Variants in ZBTB20 observed in about 807,000 individuals in gnomAD.
The protein encoded by ZBTB20 is zinc finger and BTB domain containing 20.
ZBTB20 carries 9 observed loss-of-function variants against 56.9 expected under a neutral mutation model. That is an observed-to-expected ratio of 0.16 (90% CI 0.10 to 0.28). The LOEUF (loss-of-function observed/expected upper bound fraction) is 0.28. Ranked by LOEUF, ZBTB20 falls within the 10% of genes least tolerant of loss-of-function variation. ZBTB20 has a pLI of 1.00. For missense variants in ZBTB20, 655 were observed against 1,003.0 expected (o/e 0.65, Z 4.69); for synonymous variants, 417 against 420.7 (o/e 0.99, Z 0.11).
chr3:114,549,752 C>CTT (rs941074719), intron 6 of ZBTB20, among the ~76,000 whole-genome samples: 7 of 128,964 alleles, frequency 5.4e-5, no homozygotes, highest in African/African-American at 8.5e-5. Flanking sequence ...TGACCTTTTT[C>CTT]TTTTTTTTTT....
At chr3:115,130,694 C>G (rs576986703) in intron 1 of ZBTB20, among the ~76,000 whole-genome samples, 46 of 152,288 alleles carry the variant, frequency 3.0e-4, no homozygotes, top group Non-Finnish European at 5.9e-4. Context: ...GCTTGGGTGC[C>G]AAGATTCAGA....
At chr3:114,633,325 T>A (rs990785423) in intron 6 of ZBTB20, among the ~76,000 whole-genome samples, 3 of 152,190 alleles carry the variant, frequency 2.0e-5, no homozygotes, top group African/African-American at 4.8e-5. Context: ...TAATTTTAAT[T>A]CCAGCTAAAG....
intron 2 of ZBTB20, among the ~76,000 whole-genome samples, chr3:115,032,913 C>G (rs1302481061): frequency 6.0e-5 from 5 of 83,956 alleles, no homozygotes; most frequent in Admixed American, 1.3e-4. Context: ...CATTAAACAA[C>G]AAAAAAGACC....
intron 2 of ZBTB20, among the ~76,000 whole-genome samples, chr3:115,068,658 C>A (rs1477915129): frequency 6.6e-6 from 1 of 151,958 alleles, no homozygotes; most frequent in Admixed American, 6.6e-5. Context: ...ATCTGAAGAA[C>A]AAATAGACCT....
intron 5 of ZBTB20, among the ~76,000 whole-genome samples, chr3:114,748,335 TTC>T (rs1343240236): frequency 0.021 from 1,682 of 81,310 alleles, 16 homozygotes; most frequent in East Asian, 0.038. Flanking sequence ...TCTTTCTTTC[TTC>T]TTTCTTTCTT....
chr3:114,534,468 G>C (rs2669882), intron 6 of ZBTB20, among the ~76,000 whole-genome samples: 39,493 of 152,046 alleles, frequency 0.26, 5,579 homozygotes, highest in African/African-American at 0.39. Flanking sequence ...ACCTAATACA[G>C]GAGCACCCAG....
rs148315622 is a variant in ZBTB20 at position 114,529,394 on chromosome 3, T to G, written c.-294-29003A>C. The G allele has an allele frequency of 8.1e-4, 123 of 152,320 alleles. 1 individual carries two copies. Among genetic ancestry groups the G allele is most frequent in the African/African-American group, 2.9e-3 (120 of 41,578 alleles). The allele number at this position is 152,320 out of a possible 1,614,324, so 9.4% of individuals were successfully genotyped here. On this transcript the variant is annotated intron_variant, in intron 6 of 11. Transcript: ENST00000675478. ...GAAACTCATGTTGAAATACTGAGAT[T>G]TGGGAGTGTGCGTATTATAGAAGCT...
chr3:114,791,597 C>A (rs536670897), intron 5 of ZBTB20: 129 of 152,256 alleles, frequency 8.5e-4, no homozygotes, highest in Middle Eastern at 3.4e-3. Flanking sequence ...GCAACAGTAA[C>A]AATGCTACAC....
chr3:114,700,827 T>C (rs567017460), intron 5 of ZBTB20, among the ~76,000 whole-genome samples: 3 of 152,268 alleles, frequency 2.0e-5, no homozygotes, highest in Admixed American at 6.5e-5. Flanking sequence ...GTAATTAAGA[T>C]TGGGTCATTG....
chr3:114,574,329 A>AT (rs2053770338), intron 6 of ZBTB20, among the ~76,000 whole-genome samples: 2 of 152,266 alleles, frequency 1.3e-5, no homozygotes, highest in South Asian at 4.1e-4. Flanking sequence ...CAGAGGACAT[A>AT]TTTTTAAAGC....
chr3:114,441,554 C>T (rs940209936), intron 7 of ZBTB20, among the ~76,000 whole-genome samples: 1 of 152,062 alleles, frequency 6.6e-6, no homozygotes, highest in Non-Finnish European at 1.5e-5. Context: ...GGCTGTCATC[C>T]CATCAAGCAC....
chr3:114,449,614 C>T (rs528189347), intron 7 of ZBTB20, among the ~76,000 whole-genome samples: 1 of 149,940 alleles, frequency 6.7e-6, no homozygotes, highest in African/African-American at 2.5e-5. Context: ...TCTCCAGAGG[C>T]AAACTATGAC....
chr3:114,843,838 G>A (rs988681471), intron 4 of ZBTB20, among the ~76,000 whole-genome samples: 21 of 69,510 alleles, frequency 3.0e-4, no homozygotes, highest in Middle Eastern at 7.4e-3. Context: ...CATCACACCC[G>A]GCTAATTTTT....
chr3:114,680,524 T>A (rs1010696782), intron 6 of ZBTB20, among the ~76,000 whole-genome samples: 8 of 152,190 alleles, frequency 5.3e-5, no homozygotes, highest in African/African-American at 1.9e-4. Flanking sequence ...GGCCAAGTAA[T>A]GATGTCCAAA....
In ZBTB20 at chr3:114,833,486, C is replaced by T. The variant is rs553869914; in HGVS notation, c.-416-32312G>A. Reference sequence around the variant, plus strand: ...TTTTTATGGCTCTCTAAGCTTATCCCAGAAACTCTTCCATTATTTCAGTGA... The same window carrying T: ...TTTTTATGGCTCTCTAAGCTTATCCTAGAAACTCTTCCATTATTTCAGTGA... On this transcript the variant is annotated intron_variant, in intron 4 of 11. Transcript: ENST00000675478. Among the ~76,000 whole-genome samples, 53 of 152,036 alleles carry T rather than the reference C, an allele frequency of 3.5e-4. No homozygotes were observed. The Middle Eastern group carries it at 0.024, about 69-fold the overall frequency.
chr3:115,069,850 T>C (rs1168479590), intron 2 of ZBTB20, among the ~76,000 whole-genome samples: 8 of 148,304 alleles, frequency 5.4e-5, no homozygotes, highest in Admixed American at 3.4e-4. Flanking sequence ...AATCCTCATA[T>C]ACAAAAAAAA....
chr3:114,374,019 A>G (rs1164537830), intron 10 of ZBTB20, among the ~76,000 whole-genome samples: 3 of 152,210 alleles, frequency 2.0e-5, no homozygotes, highest in Non-Finnish European at 4.4e-5. Flanking sequence ...AAACTCTAGG[A>G]AATTAGAGCA....
intron 4 of ZBTB20, among the ~76,000 whole-genome samples, chr3:114,873,542 A>G (rs1241011566): frequency 1.3e-5 from 2 of 152,200 alleles, no homozygotes; most frequent in Non-Finnish European, 2.9e-5. Context: ...TTAGTACACC[A>G]TCAATGAATA....
chr3:114,441,194 T>C (rs550970163), intron 7 of ZBTB20, among the ~76,000 whole-genome samples: 1 of 152,270 alleles, frequency 6.6e-6, no homozygotes. Flanking sequence ...AAACAAAACA[T>C]AATTATGAAG....
Sources: allele counts gnomAD v4.1 joint callset (sites outside exome capture counted in the v4.1 genomes callset), GRCh38; gene constraint gnomAD v4.1.1; transcripts MANE v1.5; gene names NCBI Gene and HGNC (gene_info 2026-07-23, HGNC 2026-07-21).